The following TRPV3 variants were observed in gnomAD, a reference collection of about 807,000 sequenced individuals.
TRPV3 encodes VRL-3.
TRPV3 carries 88 observed loss-of-function variants against 87.1 expected under a neutral mutation model. The ratio of observed to expected loss-of-function variants is 1.01; its 90% CI spans 0.85 to 1.21. The LOEUF (loss-of-function observed/expected upper bound fraction) is 1.21. Among genes scored for constraint, TRPV3 ranks in the 50% most tolerant of loss-of-function variants. The pLI is 0.00. For synonymous variants in TRPV3, 438 were observed against 423.3 expected (o/e 1.03, Z -0.43); for missense variants, 1,054 against 1,030.1 (o/e 1.02, Z -0.32).
chr17:3,521,949 A>C (rs1194841878), intron 13 of TRPV3, among the ~76,000 whole-genome samples: 1 of 151,892 alleles, frequency 6.6e-6, no homozygotes, highest in Non-Finnish European at 1.5e-5. Flanking sequence ...GGTGGCACAC[A>C]CCTGTGATCC....
At position 3,522,627 on chromosome 17, in the gene TRPV3, C is replaced by A. The variant is rs1425720429; in HGVS notation, c.1743+1571G>T. 3.3e-5 allele frequency among the ~76,000 whole-genome samples: 5 copies of A among 150,586 alleles called. No individual in the cohort carries two copies. The East Asian group carries it at 7.8e-4, about 23-fold the overall frequency. On this transcript the variant is annotated intron_variant, in intron 13 of 17. Transcript: ENST00000576742. ...CTGAGGTCAAGAGTTGGAGACCAGC[C>A]TGGCCAACATGGCGAAACCCCATCT...
intron 13 of TRPV3, among the ~76,000 whole-genome samples, chr17:3,522,615 T>C (rs1443146527): frequency 7.5e-6 from 1 of 132,634 alleles, no homozygotes; most frequent in South Asian, 2.5e-4. Context: ...AGGTCAAGAG[T>C]TGGAGACCAG....
rs1248513784 is a variant in TRPV3 at position 3,530,162 on chromosome 17, C to CCGCTTCTCCTTGATCTCA, written c.1089_1106dup (p.Glu364_Arg369dup). On this transcript the variant is annotated inframe_insertion, in exon 9 of 18. Coordinates refer to ENST00000576742, the MANE Select transcript of TRPV3 (RefSeq NM_145068.4). This position sits in a 1 kb window ranked among gnomAD's most constrained non-coding sequence, Gnocchi z 4.0. ...TGAACTTCCTGGACAGGCTCCGGAG[C>CCGCTTCTCCTTGATCTCA]CGCTTCTCCTTGATCTCACGACTGA... 2 of 1,613,930 alleles carry CCGCTTCTCCTTGATCTCA rather than the reference C, an allele frequency of 1.2e-6. No homozygotes were observed.
rs1456539170 is a variant in TRPV3, at chr17:3,519,430, A to ATGAC, written c.1811-581_1811-580insGTCA. Among the ~76,000 whole-genome samples, 183 of 141,482 alleles carry ATGAC rather than the reference A, an allele frequency of 1.3e-3. 2 individuals carry two copies. Among genetic ancestry groups the ATGAC allele is most frequent in the African/African-American group, 4.7e-3 (167 of 35,332 alleles). The allele number at this position is 141,482 out of a possible 152,430, so 92.8% of individuals were successfully genotyped here. ...GATGGATGGATGGATGATTGGATGG[A>ATGAC]TGGATGGATGGATGGATGGATAGAT... On this transcript the variant is annotated intron_variant, in intron 14 of 17. Transcript: ENST00000576742.
At chr17:3,553,104 A>ATCC (rs1328921390) in intron 2 of TRPV3, 1 of 152,302 alleles carries the variant, frequency 6.6e-6, no homozygotes, top group Non-Finnish European at 1.5e-5. Flanking sequence ...TGGCCCCGCC[A>ATCC]TCCCTCCAGG....
chr17:3,544,510 C>G, intron 4 of TRPV3, 69 bp downstream of exon 4: 1 of 1,003,664 alleles, frequency 1.0e-6, no homozygotes, highest in Non-Finnish European at 1.5e-6. Context: ...TGCAGGGCCC[C>G]GGATCCTGTC....
rs454738 is a variant in TRPV3, at chr17:3,532,641, C to A, written c.1065+16G>T. ...GACCTCCCGACCTCCTGCCTCCCCACGCCCCATGGCCCCACCTCCGCCTTG... is the reference window on the plus strand; with the variant it reads ...GACCTCCCGACCTCCTGCCTCCCCAAGCCCCATGGCCCCACCTCCGCCTTG... On this transcript the variant is annotated intron_variant, in intron 8 of 17. Coordinates refer to ENST00000576742, the MANE Select transcript of TRPV3 (RefSeq NM_145068.4). 0.62 allele frequency: 998,804 copies of A among 1,612,024 alleles called. 310,943 individuals carry two copies. Among genetic ancestry groups the A allele is most frequent in the East Asian group, 0.74 (33,242 of 44,822 alleles).
chr17:3,526,814 C>T lies in TRPV3; in HGVS notation c.1577+40G>A, dbSNP rs1198738907. The T allele has an allele frequency of 3.9e-6, 6 of 1,557,470 alleles. No homozygotes were observed. In the African/African-American group the frequency reaches 5.4e-5, roughly 14 times the overall value. On this transcript the variant is annotated intron_variant, in intron 12 of 17. Transcript: ENST00000576742. ...GCAGCCACCATACAGGACGTCAACCCTGCCTGTGAGGCGATAACCAAGGGG... is the reference window on the plus strand; with the variant it reads ...GCAGCCACCATACAGGACGTCAACCTTGCCTGTGAGGCGATAACCAAGGGG...
chr17:3,510,566 T>G lies in TRPV3; in HGVS notation c.*3351A>C, dbSNP rs1597459192. On this transcript the variant is annotated 3_prime_UTR_variant, in exon 18 of 18. Coordinates refer to ENST00000576742, the MANE Select transcript of TRPV3 (RefSeq NM_145068.4). ...CATTTCTTCAATGGCACAAACATGT[T>G]CTTACTCTTTGTATGATTTCTTTCT... The G allele has an allele frequency of 1.3e-5, 2 of 152,350 alleles. No homozygotes were observed. Among genetic ancestry groups the G allele is most frequent in the Admixed American group, 1.3e-4 (2 of 15,300 alleles). 9.4% of individuals were successfully genotyped at this position (152,350 alleles called of 1,614,324 possible).
Position 3,514,616 on chromosome 17 carries a change from T to C in TRPV3, c.2255A>G (p.Asp752Gly). 1.2e-6 allele frequency: 2 copies of C among 1,614,014 alleles called. No individual in the cohort carries two copies. Among genetic ancestry groups the C allele is most frequent in the Middle Eastern group, 3.3e-4 (2 of 6,058 alleles). ...ACCTGTTCGTCTTACAGGCCCCGGGTCTTCGTTAAGGAAGGAGACGTGCGT... is the reference window on the plus strand; with the variant it reads ...ACCTGTTCGTCTTACAGGCCCCGGGCCTTCGTTAAGGAAGGAGACGTGCGT... The part of the protein sequence containing the change: ...WKTHVSFLNE[D>G]PGPVRRTDFN... Residue 752 changes from aspartate (D) to glycine (G), a missense_variant, in exon 17 of 18, where the codon GAC becomes GGC. Physicochemically the swap from Asp to Gly is moderately conservative, Grantham distance 94 (BLOSUM62 -1). Transcript: ENST00000576742.
In TRPV3 at chr17:3,518,904, A is replaced by G; in HGVS notation, c.1811-54T>C. On this transcript the variant is annotated intron_variant, in intron 14 of 17. Transcript: ENST00000576742. The surrounding 1 kb of genome is among the most constrained non-coding windows in gnomAD (Gnocchi z 4.3). ...CAGCTCTCTGCCTGGTAATTACTCT[A>G]CAAGCTTGCGTGTATTTGCCTACAT... is the stretch of plus-strand genomic sequence containing the variant. The G allele has an allele frequency of 1.9e-6, 3 of 1,560,842 alleles. No individual in the cohort carries two copies. Among genetic ancestry groups the G allele is most frequent in the Non-Finnish European group, 2.6e-6 (3 of 1,152,948 alleles).
intron 2 of TRPV3, among the ~76,000 whole-genome samples, chr17:3,546,967 C>CAAAAAAAAAAAAAAAAAAAA (rs59021941): frequency 4.0e-5 from 5 of 123,602 alleles, no homozygotes; most frequent in African/African-American, 1.4e-4. Flanking sequence ...GACTCCTTCT[C>CAAAAAAAAAAAAAAAAAAAA]AAAAAAAAAA....
Position 3,532,660 on chromosome 17 carries a change from C to T in TRPV3, c.1062G>A (p.Ala354=), listed in dbSNP as rs974035748. Residue 354 remains alanine, a synonymous_variant, in exon 8 of 18, where the codon GCG becomes GCA. Transcript: ENST00000576742. ...TCCCCACGCCCCATGGCCCCACCTC[C>T]GCCTTGCCCATCTTGGCGGCCAGCT... ...PLQLAAKMGK[A]EILKYILSRE... is the part of the protein sequence containing the mutation. 90 of 1,613,856 alleles carry T rather than the reference C, an allele frequency of 5.6e-5. No individual in the cohort carries two copies. The highest frequency in any genetic ancestry group is 7.1e-5 in the Non-Finnish European group (84 of 1,179,994).
At chr17:3,547,846 C>A (rs1442990063) in intron 2 of TRPV3, among the ~76,000 whole-genome samples, 2 of 152,164 alleles carry the variant, frequency 1.3e-5, no homozygotes, top group Non-Finnish European at 2.9e-5. Context: ...CTATAAGAAG[C>A]AAGACATACA....
intron 9 of TRPV3, among the ~76,000 whole-genome samples, chr17:3,529,494 C>T (rs1000655735): frequency 3.9e-5 from 6 of 152,108 alleles, no homozygotes; most frequent in Non-Finnish European, 8.8e-5. Context: ...CCTGCTGCCT[C>T]ACTGCCCCCA....
chr17:3,553,711 G>A (rs1228237523), intron 2 of TRPV3: 2 of 152,374 alleles, frequency 1.3e-5, no homozygotes, highest in African/African-American at 2.4e-5. Context: ...CTCTCTCCTC[G>A]ACTCCCCTTT....
At position 3,556,963 on chromosome 17, in the gene TRPV3, C is replaced by G. The variant is rs896688458; in HGVS notation, c.-3+713G>C. Among the ~76,000 whole-genome samples, 2 of 152,142 alleles carry G rather than the reference C, an allele frequency of 1.3e-5. No individual in the cohort carries two copies. Among genetic ancestry groups the G allele is most frequent in the African/African-American group, 4.8e-5 (2 of 41,424 alleles). On this transcript the variant is annotated intron_variant, in intron 1 of 17. Transcript: ENST00000576742. This position sits in a 1 kb window ranked among gnomAD's most constrained non-coding sequence, Gnocchi z 4.2. ...CTTTCTGAGAAGTGGGCTGAATGGT[C>G]CCCAAGGACTCTGTGGCCCTGAGAG...
chr17:3,513,975 C>G lies in TRPV3; in HGVS notation c.2315G>C (p.Ser772Thr). Residue 772 changes from serine to threonine, a missense_variant, in exon 18 of 18, where the codon AGC becomes ACC. Coordinates refer to ENST00000576742, the MANE Select transcript of TRPV3 (RefSeq NM_145068.4). Reference protein sequence around the residue: ...NKIQDSSRNNSKTTLNAFEEV... With the variant: ...NKIQDSSRNNTKTTLNAFEEV... The stretch of plus-strand genomic sequence containing the variant: ...TTCAAATGCATTGAGAGTGGTTTTG[C>G]TGTTGTTCCTGGAAGAATCTTGGAT... 1 of 1,614,078 alleles carries G rather than the reference C, an allele frequency of 6.2e-7. No homozygotes were observed. The highest frequency in any genetic ancestry group is 1.1e-5 in the South Asian group (1 of 91,044).
chr17:3,529,904 T>A, intron 9 of TRPV3, 123 bp downstream of exon 9: 1 of 1,092,684 alleles, frequency 9.2e-7, no homozygotes, highest in Non-Finnish European at 1.3e-6. Context: ...GGCAACAGAG[T>A]GGGGTATGCA....
Sources: gnomAD v4.1 joint callset for allele counts (sites outside exome capture counted in the v4.1 genomes callset) on GRCh38, gnomAD v4.1.1 for gene constraint, Gnocchi (gnomAD v3.1) non-coding constraint, MANE v1.5 for transcripts, NCBI Gene and HGNC (gene_info 2026-07-23, HGNC 2026-07-21) for gene names.